ICE2: variants seen among roughly 807,000 people sequenced by gnomAD.
ICE2 encodes interactor of little elongation complex ELL subunit 2.
A neutral mutation model predicts 105.4 loss-of-function variants in ICE2; 87 were observed. That is an observed-to-expected ratio of 0.83 (90% CI 0.69 to 0.99). The LOEUF is 0.99. Among genes scored for constraint, ICE2 ranks in the 50% least tolerant of loss-of-function variants. The pLI is 0.00. For synonymous variants in ICE2, 399 were observed against 392.0 expected, an observed-to-expected ratio of 1.02 and a Z score of -0.21; for missense variants, 1,323 against 1,146.7, an observed-to-expected ratio of 1.15 and a Z score of -2.22.
At chr15:60,469,876 C>T (rs1239600106) in intron 3 of ICE2, among the ~76,000 whole-genome samples, 1 of 152,188 alleles carries the variant, frequency 6.6e-6, no homozygotes, top group African/African-American at 2.4e-5. Flanking sequence ...TTATCTTATT[C>T]ATAATCCATC....
intron 10 of ICE2, 83 bp downstream of exon 10, chr15:60,448,765 G>C (rs1001428891): frequency 6.7e-6 from 8 of 1,187,572 alleles, no homozygotes; most frequent in Non-Finnish European, 9.4e-6. Flanking sequence ...AACAGGTTAT[G>C]ACAAAGTAAA....
At chr15:60,464,792 A>G (rs2064376467) in intron 5 of ICE2, among the ~76,000 whole-genome samples, 1 of 152,192 alleles carries the variant, frequency 6.6e-6, no homozygotes, top group Admixed American at 6.5e-5. Context: ...CTGACGCAGA[A>G]GGATTTTTGA....
At chr15:60,457,726 C>T (rs949946989) in intron 5 of ICE2, among the ~76,000 whole-genome samples, 4 of 152,114 alleles carry the variant, frequency 2.6e-5, no homozygotes, top group African/African-American at 9.7e-5. Flanking sequence ...TTTCTCTCTT[C>T]ATCTATGCTT....
intron 5 of ICE2, among the ~76,000 whole-genome samples, chr15:60,463,443 A>C (rs1434855488): frequency 6.6e-6 from 1 of 152,216 alleles, no homozygotes; most frequent in Admixed American, 6.5e-5. Context: ...TGAAAGAAGG[A>C]AGGCCCAAAA....
At chr15:60,450,442 T>C (rs572912521) in intron 9 of ICE2, among the ~76,000 whole-genome samples, 1 of 152,348 alleles carries the variant, frequency 6.6e-6, no homozygotes, top group Admixed American at 6.5e-5. Flanking sequence ...GTCATAAATA[T>C]TGTTTTTCAT....
In ICE2 at chr15:60,428,613, C is replaced by T; in HGVS notation, c.2636G>A (p.Gly879Glu). The T allele has an allele frequency of 6.2e-7, 1 of 1,614,098 alleles. No homozygotes were observed. Among genetic ancestry groups the T allele is most frequent in the Non-Finnish European group, 8.5e-7 (1 of 1,180,002 alleles). Residue 879 changes from glycine (G) to glutamate (E), a missense_variant, in exon 15 of 16, where the codon GGA becomes GAA. By Grantham distance (98) the Gly-to-Glu change is moderately conservative. Transcript: ENST00000261520. The stretch of plus-strand genomic sequence containing the variant: ...ATTGTATGCTGTCCTAGTAACTTTT[C>T]CATCAGAGGCCTTATAAATCAGGAG... ...SSLLIYKASDGKVTRTAYNLY... is the reference protein window; with the variant it reads ...SSLLIYKASDEKVTRTAYNLY...
Position 60,476,044 on chromosome 15 carries a change from A to G in ICE2, c.146+19T>C. The G allele has an allele frequency of 6.8e-7, 1 of 1,464,624 alleles. No individual in the cohort carries two copies. The highest frequency in any genetic ancestry group is 9.3e-7 in the Non-Finnish European group (1 of 1,075,004). 90.7% of individuals were successfully genotyped at this position (1,464,624 alleles called of 1,614,324 possible). On this transcript the variant is annotated intron_variant, in intron 3 of 15. Transcript: ENST00000261520. Reference sequence around the variant, plus strand: ...ACGACCATCAAATATGGAAATAAATAACCAAATAAACATATTACCTGTTGG... The same window carrying G: ...ACGACCATCAAATATGGAAATAAATGACCAAATAAACATATTACCTGTTGG...
Position 60,473,749 on chromosome 15 carries a change from A to C in ICE2, c.146+2314T>G, listed in dbSNP as rs191485999. Reference sequence around the variant, plus strand: ...ATCCTCAAAAAACTTTACAAGTTGAATAACAAATAGTTTTTAAAAATATCC... The same window carrying C: ...ATCCTCAAAAAACTTTACAAGTTGACTAACAAATAGTTTTTAAAAATATCC... On this transcript the variant is annotated intron_variant, in intron 3 of 15. Coordinates refer to ENST00000261520, the MANE Select transcript of ICE2 (RefSeq NM_024611.6). Among the ~76,000 whole-genome samples the C allele has an allele frequency of 2.4e-3, 363 of 152,296 alleles. 1 individual carries two copies. The highest frequency in any genetic ancestry group is 4.1e-3 in the Non-Finnish European group (280 of 68,034).
At chr15:60,437,017 C>A (rs2063608910) in intron 12 of ICE2, among the ~76,000 whole-genome samples, 1 of 151,946 alleles carries the variant, frequency 6.6e-6, no homozygotes, top group South Asian at 2.1e-4. Flanking sequence ...CTTTGGGAGG[C>A]CGAGGCGGGC....
intron 11 of ICE2, chr15:60,447,706 G>T: frequency 4.0e-6 from 1 of 248,696 alleles, no homozygotes; most frequent in Non-Finnish European, 7.6e-6. Flanking sequence ...TCAAACTTTG[G>T]AGCATTTTGA....
chr15:60,436,009 G>C (rs2063578934), intron 13 of ICE2, 134 bp downstream of exon 13: 2 of 437,850 alleles, frequency 4.6e-6, no homozygotes, highest in East Asian at 3.7e-5. Context: ...AAACAAAACT[G>C]AGTCCAATGA....
At chr15:60,448,822 T>C (rs201983663) in intron 10 of ICE2, 26 bp downstream of exon 10, 6 of 1,548,656 alleles carry the variant, frequency 3.9e-6, no homozygotes, top group Non-Finnish European at 5.2e-6. Context: ...TAAAACACTG[T>C]AAGCTCTTTG....
chr15:60,475,314 T>C (rs2064728025), intron 3 of ICE2, among the ~76,000 whole-genome samples: 1 of 152,192 alleles, frequency 6.6e-6, no homozygotes, highest in South Asian at 2.1e-4. Context: ...TCATTAAATA[T>C]CAGAGAGGAA....
chr15:60,440,511 A>G (rs780629459), intron 12 of ICE2: 2 of 152,184 alleles, frequency 1.3e-5, no homozygotes, highest in Non-Finnish European at 2.9e-5. Context: ...CAAACAAATC[A>G]CAAGTGTGTT....
At chr15:60,441,916 TAG>T (rs1595764050) in intron 12 of ICE2, 1 of 152,318 alleles carries the variant, frequency 6.6e-6, no homozygotes, top group South Asian at 2.1e-4. Context: ...AATAAATATA[TAG>T]GTCAATAAAT....
At chr15:60,428,406 T>C (rs764070153) in intron 15 of ICE2, 23 bp downstream of exon 15, 2 of 1,604,802 alleles carry the variant, frequency 1.2e-6, no homozygotes, top group Admixed American at 1.7e-5. Context: ...CTAATGAACC[T>C]TTAATTTCAA....
rs573484134 is a variant in ICE2, at chr15:60,449,437, T to A, written c.1530A>T (p.Thr510=). The A allele has an allele frequency of 9.3e-6, 15 of 1,614,090 alleles. No individual in the cohort carries two copies. The highest frequency in any genetic ancestry group is 1.3e-5 in the Non-Finnish European group (15 of 1,180,012). ...AATTTTCTAACTGTAAGGCATCAGA[T>A]GTTTTCAAGTCACTATCTTGTATCA... ...KPLIQDSDLK[T]SDALQLENSQ... Residue 510 remains threonine, a synonymous_variant, in exon 10 of 16, where the codon ACA becomes ACT. Coordinates refer to ENST00000261520, the MANE Select transcript of ICE2 (RefSeq NM_024611.6).
At position 60,466,678 on chromosome 15, in the gene ICE2, C is replaced by T. The variant is rs775872631; in HGVS notation, c.444G>A (p.Glu148=). The T allele has an allele frequency of 2.9e-5, 46 of 1,609,740 alleles. No homozygotes were observed. The highest frequency in any genetic ancestry group is 3.9e-5 in the Non-Finnish European group (46 of 1,179,052). The change falls in exon 5 of 16, where the codon GAG becomes GAA. Residue 148 remains glutamate, a synonymous_variant. Coordinates refer to ENST00000261520, the MANE Select transcript of ICE2 (RefSeq NM_024611.6). ...MKKHVNEEVT[E]FLKFLQNSAK... Reference sequence around the variant, plus strand: ...CAGAATTCTGCAAAAACTTTAGGAACTCAGTAACTTCTTCGTTCACATGTT... The same window carrying T: ...CAGAATTCTGCAAAAACTTTAGGAATTCAGTAACTTCTTCGTTCACATGTT...
In ICE2 at chr15:60,472,932, T is replaced by C. The variant is rs189412417; in HGVS notation, c.146+3131A>G. Among the ~76,000 whole-genome samples, 360 of 151,212 alleles carry C rather than the reference T, an allele frequency of 2.4e-3. 1 individual carries two copies. Among genetic ancestry groups the C allele is most frequent in the Non-Finnish European group, 4.2e-3 (282 of 67,756 alleles). Reference sequence around the variant, plus strand: ...AAAGTTCAAATAAGTTGTTTTTTTGTTTTTTTTTAATTTGAGATAAGGTCT... The same window carrying C: ...AAAGTTCAAATAAGTTGTTTTTTTGCTTTTTTTTAATTTGAGATAAGGTCT... On this transcript the variant is annotated intron_variant, in intron 3 of 15. Coordinates refer to ENST00000261520, the MANE Select transcript of ICE2 (RefSeq NM_024611.6).
Sources: allele counts gnomAD v4.1 joint callset (sites outside exome capture counted in the v4.1 genomes callset), GRCh38; gene constraint gnomAD v4.1.1; transcripts MANE v1.5; gene names NCBI Gene and HGNC (gene_info 2026-07-23, HGNC 2026-07-21).